RNF150: variants seen among roughly 807,000 people sequenced by gnomAD.
RNF150 encodes ring finger protein 150.
A neutral mutation model predicts 39.3 loss-of-function variants in RNF150; 24 were observed. The ratio of observed to expected loss-of-function variants is 0.61; its 90% CI spans 0.44 to 0.86. RNF150 has a LOEUF of 0.86. RNF150 is among the 40% of genes least tolerant of loss of function. The pLI is 0.00. For synonymous variants in RNF150, 255 were observed against 227.3 expected (o/e 1.12, Z -1.10); for missense variants, 502 against 587.8 (o/e 0.85, Z 1.51).
At chr4:141,120,197 T>C (rs1400565734) in intron 1 of RNF150, among the ~76,000 whole-genome samples, 1 of 152,118 alleles carries the variant, frequency 6.6e-6, no homozygotes, top group East Asian at 1.9e-4. Context: ...TGAAATTATA[T>C]AGAAATTTCT....
At chr4:141,107,208 T>C (rs112348070) in intron 1 of RNF150, among the ~76,000 whole-genome samples, 34 of 152,324 alleles carry the variant, frequency 2.2e-4, no homozygotes, top group African/African-American at 7.7e-4. Flanking sequence ...ATAAAGAACA[T>C]AGACTTTGGA....
At chr4:141,128,977 G>A (rs922902081) in intron 1 of RNF150, among the ~76,000 whole-genome samples, 2 of 152,196 alleles carry the variant, frequency 1.3e-5, no homozygotes, top group Non-Finnish European at 2.9e-5. Flanking sequence ...AACAAATGTT[G>A]ATGAGGCTGT....
chr4:140,938,706 G>T (rs1731958329), intron 4 of RNF150, among the ~76,000 whole-genome samples: 1 of 152,166 alleles, frequency 6.6e-6, no homozygotes, highest in Admixed American at 6.5e-5. Context: ...CTTAGAGTCT[G>T]TGCTTGTTTA....
chr4:140,926,184 G>T, intron 4 of RNF150, 111 bp from the exon 5 acceptor site: 1 of 732,996 alleles, frequency 1.4e-6, no homozygotes, highest in South Asian at 1.6e-5. Context: ...GCAGAGCCAA[G>T]ACTCAAACCT....
chr4:141,034,691 T>C (rs1442592202), intron 1 of RNF150, among the ~76,000 whole-genome samples: 1 of 152,060 alleles, frequency 6.6e-6, no homozygotes, highest in Non-Finnish European at 1.5e-5. Context: ...TTTAATATTT[T>C]TGGGTCTCAA....
intron 1 of RNF150, among the ~76,000 whole-genome samples, chr4:141,084,852 A>G (rs1738298013): frequency 6.6e-6 from 1 of 152,202 alleles, no homozygotes; most frequent in South Asian, 2.1e-4. Context: ...TAATGTGACA[A>G]AGACATTCTT....
In RNF150 at chr4:140,949,489, T is replaced by C. The variant is rs2111376632; in HGVS notation, c.736-117A>G. 3.6e-6 allele frequency: 3 copies of C among 829,194 alleles called. No homozygotes were observed. In the South Asian group the frequency reaches 5.1e-5, roughly 14 times the overall value. The allele number at this position is 829,194 out of a possible 1,614,324, so 51.4% of individuals were successfully genotyped here. Reference sequence around the variant, plus strand: ...TGAAATCATGCACATGTGGTATGAATGCTAGCAATGACGACTAGAAAAGAC... The same window carrying C: ...TGAAATCATGCACATGTGGTATGAACGCTAGCAATGACGACTAGAAAAGAC... On this transcript the variant is annotated intron_variant, in intron 2 of 6. Transcript: ENST00000515673.
chr4:140,993,772 C>T (rs541630618), intron 1 of RNF150, among the ~76,000 whole-genome samples: 1 of 152,138 alleles, frequency 6.6e-6, no homozygotes, highest in Non-Finnish European at 1.5e-5. Flanking sequence ...CTCCTTTTTC[C>T]CCTCACTCTA....
At chr4:140,971,419 C>T (rs1317418628) in intron 1 of RNF150, among the ~76,000 whole-genome samples, 1 of 152,252 alleles carries the variant, frequency 6.6e-6, no homozygotes, top group Admixed American at 6.5e-5. Flanking sequence ...TATGGGAAAA[C>T]CCACAAGGAG....
Position 141,008,593 on chromosome 4 carries a change from C to A in RNF150, c.485-40720G>T, listed in dbSNP as rs539133043. 7.2e-5 allele frequency among the ~76,000 whole-genome samples: 11 copies of A among 152,262 alleles called. No homozygotes were observed. In the South Asian group the frequency reaches 2.3e-3, roughly 32 times the overall value. ...TCTTAGTTTTTTATATGGCATGGGG[C>A]AGGGTTCAAAGGCCTTTTGTTCCAC... On this transcript the variant is annotated intron_variant, in intron 1 of 6. Coordinates refer to ENST00000515673, the MANE Select transcript of RNF150 (RefSeq NM_020724.2).
intron 1 of RNF150, among the ~76,000 whole-genome samples, chr4:141,120,995 AGTTG>A (rs1390273415): frequency 1.5e-4 from 3 of 19,378 alleles, no homozygotes; most frequent in Non-Finnish European, 7.4e-4. Flanking sequence ...GCTTGGACTC[AGTTG>A]GTGACAACAA....
At chr4:141,109,830 T>C (rs1739328766) in intron 1 of RNF150, among the ~76,000 whole-genome samples, 1 of 152,130 alleles carries the variant, frequency 6.6e-6, no homozygotes, top group African/African-American at 2.4e-5. Flanking sequence ...GGGGCCAAGA[T>C]TCGAGAAAGA....
chr4:140,890,940 T>C (rs971967632), intron 6 of RNF150, among the ~76,000 whole-genome samples: 1 of 152,208 alleles, frequency 6.6e-6, no homozygotes, highest in African/African-American at 2.4e-5. Flanking sequence ...TGTTTTGGCT[T>C]TCCAGAAAAT....
Position 141,009,976 on chromosome 4 carries a change from T to G in RNF150, c.485-42103A>C, listed in dbSNP as rs1297503937. Among the ~76,000 whole-genome samples the G allele has an allele frequency of 3.3e-5, 5 of 152,338 alleles. No individual in the cohort carries two copies. The East Asian group carries it at 9.6e-4, about 29-fold the overall frequency. On this transcript the variant is annotated intron_variant, in intron 1 of 6. Transcript: ENST00000515673. The stretch of plus-strand genomic sequence containing the variant: ...ATTGAATTGAATCAGGGAGGGAGAC[T>G]GCTGGATGCCTGTGAGAAATGTTAC...
At chr4:141,199,452 T>C (rs1361842467) in intron 1 of RNF150, among the ~76,000 whole-genome samples, 1 of 152,226 alleles carries the variant, frequency 6.6e-6, no homozygotes, top group African/African-American at 2.4e-5. Context: ...ACTATCCAAA[T>C]GTCCTTCAAC....
At chr4:140,964,680 T>A (rs1268462741) in intron 2 of RNF150, among the ~76,000 whole-genome samples, 1 of 152,004 alleles carries the variant, frequency 6.6e-6, no homozygotes, top group Admixed American at 6.6e-5. Flanking sequence ...CATCATAAAG[T>A]TACAAATTTC....
At chr4:141,156,969 G>A (rs1727416256) in intron 1 of RNF150, among the ~76,000 whole-genome samples, 1 of 152,098 alleles carries the variant, frequency 6.6e-6, no homozygotes, top group Non-Finnish European at 1.5e-5. Flanking sequence ...GCATTTCCAA[G>A]CCTAGAGAGC....
At chr4:141,209,551 A>G (rs1366900720) in intron 1 of RNF150, among the ~76,000 whole-genome samples, 1 of 152,146 alleles carries the variant, frequency 6.6e-6, no homozygotes, top group Non-Finnish European at 1.5e-5. Flanking sequence ...TTGATTATTG[A>G]GGCTAAAAAT....
chr4:141,210,600 T>C (rs376118836), intron 1 of RNF150, among the ~76,000 whole-genome samples: 18 of 152,270 alleles, frequency 1.2e-4, no homozygotes, highest in Non-Finnish European at 2.1e-4. Context: ...TTGCTTTGTA[T>C]TGGAAGGGAT....
Sources: allele counts gnomAD v4.1 joint callset (sites outside exome capture counted in the v4.1 genomes callset), GRCh38; gene constraint gnomAD v4.1.1; transcripts MANE v1.5; gene names NCBI Gene and HGNC (gene_info 2026-07-23, HGNC 2026-07-21).